HS3ST5: variants seen among roughly 807,000 people sequenced by gnomAD.
HS3ST5 encodes the protein heparan sulfate-glucosamine 3-sulfotransferase 5.
A neutral mutation model predicts 25.4 loss-of-function variants in HS3ST5; 10 were observed. The ratio of observed to expected loss-of-function variants is 0.39; its 90% CI spans 0.24 to 0.67. The LOEUF is 0.67. Among genes scored for constraint, HS3ST5 ranks in the 30% least tolerant of loss-of-function variants. The pLI is 0.44. For synonymous variants in HS3ST5, 170 were observed against 162.4 expected (o/e 1.05, Z -0.36); for missense variants, 324 against 420.7 (o/e 0.77, Z 2.01).
intron 2 of HS3ST5, among the ~76,000 whole-genome samples, chr6:114,213,795 A>G (rs1781624901): frequency 6.6e-6 from 1 of 152,118 alleles, no homozygotes; most frequent in African/African-American, 2.4e-5. Flanking sequence ...TTTTATCTCT[A>G]CGATCCCCAG....
chr6:114,308,553 C>T (rs1035473103), intron 1 of HS3ST5, among the ~76,000 whole-genome samples: 8 of 152,140 alleles, frequency 5.3e-5, no homozygotes, highest in Admixed American at 2.6e-4. Flanking sequence ...CACCACTGCA[C>T]TCCAGCCTGG....
In HS3ST5 at chr6:114,251,656, C is replaced by A. The variant is rs191512699; in HGVS notation, c.-338-22878G>T. On this transcript the variant is annotated intron_variant, in intron 1 of 4. Transcript: ENST00000312719. ...ATTGGTTCAGGGTTGAACACACAAC[C>A]CAATTTGGGCAAATTAGAGCTGCAA... 2.0e-5 allele frequency: 3 copies of A among 152,104 alleles called. No individual in the cohort carries two copies. In the East Asian group the frequency reaches 5.8e-4, roughly 29 times the overall value. The allele number at this position is 152,104 out of a possible 1,614,324, so 9.4% of individuals were successfully genotyped here.
intron 1 of HS3ST5, among the ~76,000 whole-genome samples, chr6:114,236,966 T>C (rs1487110884): frequency 6.6e-6 from 1 of 152,256 alleles, no homozygotes; most frequent in Non-Finnish European, 1.5e-5. Context: ...TCAGTTCCAC[T>C]TTCTCAGAAT....
chr6:114,095,966 C>G lies in HS3ST5; in HGVS notation c.-32-33089G>C, dbSNP rs1461413675. 2.6e-5 allele frequency among the ~76,000 whole-genome samples: 4 copies of G among 152,068 alleles called. 1 individual carries two copies. In the South Asian group the frequency reaches 6.2e-4, roughly 24 times the overall value. On this transcript the variant is annotated intron_variant, in intron 3 of 4. Coordinates refer to ENST00000312719, the MANE Select transcript of HS3ST5 (RefSeq NM_153612.4). Reference sequence around the variant, plus strand: ...GTATAGTTCCTGGGGCATATTCATGCTAGTTTCATCTCCATATTCCTGTTG... The same window carrying G: ...GTATAGTTCCTGGGGCATATTCATGGTAGTTTCATCTCCATATTCCTGTTG...
chr6:114,286,424 G>T (rs1311774391), intron 1 of HS3ST5, among the ~76,000 whole-genome samples: 1 of 152,058 alleles, frequency 6.6e-6, no homozygotes, highest in South Asian at 2.1e-4. Flanking sequence ...ATAATGCATT[G>T]TACATTTAAA....
intron 3 of HS3ST5, among the ~76,000 whole-genome samples, chr6:114,160,044 T>C (rs1050036618): frequency 6.6e-6 from 1 of 152,168 alleles, no homozygotes. Flanking sequence ...TAAAGCTGCA[T>C]TGCATTTTTA....
intron 1 of HS3ST5, among the ~76,000 whole-genome samples, chr6:114,250,290 A>T (rs1772592142): frequency 6.6e-6 from 1 of 152,190 alleles, no homozygotes; most frequent in South Asian, 2.1e-4. Flanking sequence ...ATTTTAAAAA[A>T]ATTATCAGAG....
chr6:114,216,672 G>A (rs899649935), intron 2 of HS3ST5, among the ~76,000 whole-genome samples: 4 of 137,658 alleles, frequency 2.9e-5, no homozygotes, highest in Non-Finnish European at 6.1e-5. Context: ...TTCTTATTCT[G>A]ACTCAGAAAA....
At chr6:114,314,583 A>C (rs1349261909) in intron 1 of HS3ST5, among the ~76,000 whole-genome samples, 1 of 152,206 alleles carries the variant, frequency 6.6e-6, no homozygotes, top group Non-Finnish European at 1.5e-5. Context: ...AGTTCATAGA[A>C]AGAGCTGGCA....
intron 3 of HS3ST5, among the ~76,000 whole-genome samples, chr6:114,164,309 T>C (rs1233052226): frequency 6.6e-6 from 1 of 152,196 alleles, no homozygotes; most frequent in African/African-American, 2.4e-5. Flanking sequence ...AGCCATTTGT[T>C]GCTGTGTGAC....
At chr6:114,100,809 C>T (rs1775691944) in intron 3 of HS3ST5, among the ~76,000 whole-genome samples, 1 of 152,138 alleles carries the variant, frequency 6.6e-6, no homozygotes. Context: ...TATATGGCTT[C>T]AAAAGCTGAC....
chr6:114,067,704 G>A (rs1255866278), intron 3 of HS3ST5, among the ~76,000 whole-genome samples: 1 of 152,074 alleles, frequency 6.6e-6, no homozygotes, highest in African/African-American at 2.4e-5. Context: ...ACACTGCCCC[G>A]TCTGGTTATG....
Position 114,286,292 on chromosome 6 carries a change from G to A in HS3ST5, c.-339+55903C>T, listed in dbSNP as rs143005386. ...GGTCAAATTCATATACTCTGGAATGGTGATTATCAGCGGCTGAGGGGAGGA... is the reference window on the plus strand; with the variant it reads ...GGTCAAATTCATATACTCTGGAATGATGATTATCAGCGGCTGAGGGGAGGA... On this transcript the variant is annotated intron_variant, in intron 1 of 4. Transcript: ENST00000312719. Among the ~76,000 whole-genome samples the A allele has an allele frequency of 2.3e-3, 343 of 152,014 alleles. 2 individuals are homozygous for A. The highest frequency in any genetic ancestry group is 7.6e-3 in the African/African-American group (315 of 41,500).
intron 1 of HS3ST5, among the ~76,000 whole-genome samples, chr6:114,243,311 C>A (rs1308426585): frequency 2.0e-5 from 3 of 152,214 alleles, no homozygotes; most frequent in Non-Finnish European, 2.9e-5. Context: ...GAAGTGAAAT[C>A]ATCAGAACTG....
chr6:114,147,947 T>C (rs1417418688), intron 3 of HS3ST5, among the ~76,000 whole-genome samples: 1 of 152,162 alleles, frequency 6.6e-6, no homozygotes, highest in Non-Finnish European at 1.5e-5. Flanking sequence ...ATATATATCC[T>C]CCTTCATCCG....
chr6:114,085,779 A>C (rs1358121147), intron 3 of HS3ST5, among the ~76,000 whole-genome samples: 1 of 152,152 alleles, frequency 6.6e-6, no homozygotes, highest in Non-Finnish European at 1.5e-5. Context: ...ATATTTATAG[A>C]TTTAGACATA....
At chr6:114,269,476 A>G (rs981698505) in intron 1 of HS3ST5, among the ~76,000 whole-genome samples, 2 of 152,172 alleles carry the variant, frequency 1.3e-5, no homozygotes, top group African/African-American at 2.4e-5. Context: ...GACAATTTAT[A>G]GTTCTCATCA....
At chr6:114,213,615 T>C (rs1165302636) in intron 2 of HS3ST5, among the ~76,000 whole-genome samples, 2 of 152,134 alleles carry the variant, frequency 1.3e-5, no homozygotes, top group Admixed American at 1.3e-4. Flanking sequence ...CAATTTAAGA[T>C]ATTTCCTCCT....
intron 1 of HS3ST5, among the ~76,000 whole-genome samples, chr6:114,339,995 A>G (rs1047870197): frequency 6.6e-6 from 1 of 152,214 alleles, no homozygotes; most frequent in Non-Finnish European, 1.5e-5. Context: ...TTTGTTTAAA[A>G]TAACAACCCA....
Sources: allele counts gnomAD v4.1 joint callset (sites outside exome capture counted in the v4.1 genomes callset), GRCh38; gene constraint gnomAD v4.1.1; transcripts MANE v1.5; gene names NCBI Gene and HGNC (gene_info 2026-07-23, HGNC 2026-07-21).